NFYA: variants seen among roughly 807,000 people sequenced by gnomAD.
NFYA encodes CAAT-box DNA binding protein subunit A.
In NFYA, 28 loss-of-function variants were observed where a neutral mutation model predicts 52.8. That is an observed-to-expected ratio of 0.53 (90% CI 0.39 to 0.73). The LOEUF is 0.73. Among genes scored for constraint, NFYA ranks in the 30% least tolerant of loss-of-function variants. The pLI is 0.00. For synonymous variants in NFYA, 150 were observed against 150.7 expected, an observed-to-expected ratio of 1.00 and a Z score of 0.03; for missense variants, 234 against 427.0, an observed-to-expected ratio of 0.55 and a Z score of 3.98.
At chr6:41,079,273 G>C in intron 2 of NFYA, 109 bp downstream of exon 2, 5 of 1,030,182 alleles carry the variant, frequency 4.9e-6, no homozygotes, top group Non-Finnish European at 7.4e-6. Context: ...ACCAGATCTT[G>C]TGAGATATTG....
At chr6:41,084,215 G>A in intron 4 of NFYA, 23 bp downstream of exon 4, 2 of 1,612,288 alleles carry the variant, frequency 1.2e-6, no homozygotes, top group Non-Finnish European at 1.7e-6. Flanking sequence ...TAAAAATATT[G>A]AGCAGTATAT....
In NFYA at chr6:41,090,209, G is replaced by A. The variant is rs1374903550; in HGVS notation, c.447G>A (p.Gln149=). 2 of 1,608,776 alleles carry A rather than the reference G, an allele frequency of 1.2e-6. No individual in the cohort carries two copies. Among genetic ancestry groups the A allele is most frequent in the Non-Finnish European group, 8.5e-7 (1 of 1,175,356 alleles). Residue 149 remains glutamine, a synonymous_variant, in exon 6 of 10, where the codon CAG becomes CAA. Transcript: ENST00000341376. ...TAVTAGQTQT[Q]QQIAVQGQQV... is the part of the protein sequence containing the mutation. ...TCATTACTTATTTCCTCCAGACACA[G>A]CAGCAGATTGCTGTCCAGGGACAGC... is the stretch of plus-strand genomic sequence containing the variant.
At chr6:41,094,329 G>A (rs571535531) in intron 8 of NFYA, 67 bp from the exon 9 acceptor site, 1 of 1,323,478 alleles carries the variant, frequency 7.6e-7, no homozygotes, top group Non-Finnish European at 1.1e-6. Flanking sequence ...AATGGAATTT[G>A]TGCACTAGAT....
chr6:41,093,334 A>G (rs2113819222), intron 8 of NFYA, among the ~76,000 whole-genome samples: 1 of 152,304 alleles, frequency 6.6e-6, no homozygotes, highest in African/African-American at 2.4e-5. Flanking sequence ...GAGATAAATT[A>G]TCCTGGACTG....
chr6:41,095,265 T>G (rs1413200464), intron 9 of NFYA, among the ~76,000 whole-genome samples: 2 of 152,220 alleles, frequency 1.3e-5, no homozygotes, highest in African/African-American at 2.4e-5. Flanking sequence ...TACCTCTAAC[T>G]GCATTTCTAC....
At chr6:41,090,101 G>A (rs1764160355) in intron 5 of NFYA, 103 bp from the exon 6 acceptor site, 3 of 744,122 alleles carry the variant, frequency 4.0e-6, no homozygotes, top group Non-Finnish European at 6.7e-6. Context: ...GCGACAGAGT[G>A]AGACTCTGTC....
intron 1 of NFYA, among the ~76,000 whole-genome samples, chr6:41,077,540 ATGTAT>A (rs3049086): frequency 0.3 from 45,755 of 151,758 alleles, 7,692 homozygotes; most frequent in African/African-American, 0.45. Flanking sequence ...ATAGCCATAA[ATGTAT>A]TGTGTATTAG....
chr6:41,087,999 T>A (rs1411174153), intron 4 of NFYA, among the ~76,000 whole-genome samples: 1 of 152,164 alleles, frequency 6.6e-6, no homozygotes, highest in Non-Finnish European at 1.5e-5. Context: ...CAACAAAAAT[T>A]TGACAAACAT....
intron 4 of NFYA, among the ~76,000 whole-genome samples, chr6:41,089,061 C>T (rs1452641917): frequency 6.6e-6 from 1 of 152,204 alleles, no homozygotes; most frequent in Non-Finnish European, 1.5e-5. Flanking sequence ...TCTCGGCTCA[C>T]TGCAACCTCC....
At position 41,100,731 on chromosome 6, in the gene NFYA, C is replaced by T. The variant is rs1356223361; in HGVS notation, c.*3321C>T. The stretch of plus-strand genomic sequence containing the variant: ...GAAAGACCTCTCGATATTTATCTCA[C>T]ACCAACGGCTTTATCGTAGGAGCGT... On this transcript the variant is annotated 3_prime_UTR_variant, in exon 10 of 10. Coordinates refer to ENST00000341376, the MANE Select transcript of NFYA (RefSeq NM_002505.5). Among the ~76,000 whole-genome samples the T allele has an allele frequency of 6.6e-6, 1 of 152,242 alleles. No homozygotes were observed. The highest frequency in any genetic ancestry group is 2.4e-5 in the African/African-American group (1 of 41,454).
chr6:41,089,361 A>G (rs1764137001), intron 4 of NFYA, among the ~76,000 whole-genome samples: 1 of 152,188 alleles, frequency 6.6e-6, no homozygotes, highest in Non-Finnish European at 1.5e-5. Context: ...ACCGACATTG[A>G]TTTGTTAATA....
chr6:41,080,686 A>C, intron 2 of NFYA, 125 bp from the exon 3 acceptor site: 1 of 708,278 alleles, frequency 1.4e-6, no homozygotes, highest in East Asian at 2.6e-5. Context: ...CAATATAGGG[A>C]GTCTGTACAT....
chr6:41,091,765 T>G, intron 7 of NFYA, 71 bp downstream of exon 7: 4 of 1,548,898 alleles, frequency 2.6e-6, no homozygotes, highest in East Asian at 2.2e-5. Flanking sequence ...CTCCTAAAAT[T>G]TATTATGTTG....
chr6:41,078,756 C>T (rs1426281399), intron 1 of NFYA, among the ~76,000 whole-genome samples: 1 of 152,098 alleles, frequency 6.6e-6, no homozygotes, highest in Non-Finnish European at 1.5e-5. Flanking sequence ...TGTAGCTTAA[C>T]GAGTATCTCT....
chr6:41,083,164 G>C (rs1445189735), intron 3 of NFYA, among the ~76,000 whole-genome samples: 1 of 152,168 alleles, frequency 6.6e-6, no homozygotes, highest in Non-Finnish European at 1.5e-5. Flanking sequence ...CTTTTAAAGT[G>C]CTTCCAGAAA....
intron 2 of NFYA, among the ~76,000 whole-genome samples, chr6:41,080,200 G>A (rs1004120245): frequency 2.0e-5 from 3 of 152,154 alleles, no homozygotes; most frequent in African/African-American, 7.2e-5. Context: ...TGTAATCCCA[G>A]CTACTCTGGA....
chr6:41,073,811 G>A (rs1004578967), intron 1 of NFYA, among the ~76,000 whole-genome samples: 15 of 152,068 alleles, frequency 9.9e-5, no homozygotes, highest in Non-Finnish European at 1.8e-4. Context: ...CGCTCCGCCC[G>A]GGTCTCCGGC....
chr6:41,082,556 A>G (rs1339150912), intron 3 of NFYA, among the ~76,000 whole-genome samples: 1 of 152,248 alleles, frequency 6.6e-6, no homozygotes, highest in Non-Finnish European at 1.5e-5. Context: ...TAGATAGAAA[A>G]TTATTAATAG....
At chr6:41,089,857 T>C in intron 5 of NFYA, 147 bp downstream of exon 5, 1 of 1,122,474 alleles carries the variant, frequency 8.9e-7, no homozygotes, top group Non-Finnish European at 1.2e-6. Flanking sequence ...CGGTGGCTCA[T>C]GCCTGTAATC....
Sources: allele counts gnomAD v4.1 joint callset (sites outside exome capture counted in the v4.1 genomes callset), GRCh38; gene constraint gnomAD v4.1.1; transcripts MANE v1.5; gene names NCBI Gene and HGNC (gene_info 2026-07-23, HGNC 2026-07-21).